Variants in TENM2 observed in about 807,000 individuals in gnomAD.
TENM2 encodes teneurin transmembrane protein 2.
A neutral mutation model predicts 245.2 loss-of-function variants in TENM2; 52 were observed. The observed-to-expected ratio is 0.21, with a 90% CI of 0.17 to 0.27. The LOEUF is 0.27. Among genes scored for constraint, TENM2 ranks in the 10% least tolerant of loss-of-function variants. The probability of loss-of-function intolerance (pLI) is 1.00; values close to 1 mark genes in which losing one functional copy is unlikely to be tolerated. For missense variants in TENM2, 3,046 were observed against 3,666.8 expected, an observed-to-expected ratio of 0.83 and a Z score of 4.37; for synonymous variants, 1,363 against 1,438.9, an observed-to-expected ratio of 0.95 and a Z score of 1.19.
At chr5:167,494,640 G>A (rs1478213671) in intron 2 of TENM2, among the ~76,000 whole-genome samples, 1 of 152,066 alleles carries the variant, frequency 6.6e-6, no homozygotes, top group African/African-American at 2.4e-5. Context: ...CATGTTTGAA[G>A]CCACCACATG....
intron 2 of TENM2, among the ~76,000 whole-genome samples, chr5:167,652,850 T>G (rs1241039785): frequency 6.6e-6 from 1 of 152,288 alleles, no homozygotes; most frequent in South Asian, 2.1e-4. Context: ...TTATTACAGG[T>G]TAAAAAGCTA....
chr5:167,681,426 C>T (rs887712816), intron 2 of TENM2, among the ~76,000 whole-genome samples: 1 of 152,026 alleles, frequency 6.6e-6, no homozygotes, highest in African/African-American at 2.4e-5. Context: ...TACTAATAGG[C>T]ATTTATGTTA....
At chr5:168,110,017 G>T (rs1458991880) in intron 9 of TENM2, among the ~76,000 whole-genome samples, 1 of 148,036 alleles carries the variant, frequency 6.8e-6, no homozygotes, top group African/African-American at 2.5e-5. Context: ...AAGTTAAATT[G>T]CTTCTGAGAT....
rs186256543 is a variant in TENM2, at chr5:167,648,482, G to A, written c.503-227504G>A. Among the ~76,000 whole-genome samples the A allele has an allele frequency of 2.3e-3, 346 of 152,268 alleles. 3 individuals carry two copies. The highest frequency in any genetic ancestry group is 7.8e-3 in the African/African-American group (326 of 41,550). ...TCTGTTCCAGTGATGGGGACAACAGGACTGAATATTAGAAACCTAGATCAT... is the reference window on the plus strand; with the variant it reads ...TCTGTTCCAGTGATGGGGACAACAGAACTGAATATTAGAAACCTAGATCAT... On this transcript the variant is annotated intron_variant, in intron 2 of 28. Coordinates refer to ENST00000518659, the Ensembl canonical transcript of TENM2.
chr5:167,220,235 C>G, the TENM2 span, among the ~76,000 whole-genome samples: 2 of 152,100 alleles, frequency 1.3e-5, no homozygotes, highest in African/African-American at 4.8e-5. Flanking sequence ...ACTCTTAAGT[C>G]TTGGTATGAG....
intron 2 of TENM2, among the ~76,000 whole-genome samples, chr5:167,738,146 T>C (rs1760929908): frequency 1.3e-5 from 2 of 152,246 alleles, no homozygotes; most frequent in Non-Finnish European, 2.9e-5. Context: ...TGGGTGGCAG[T>C]GGAGTCATAA....
chr5:167,074,570 C>T, the TENM2 span, among the ~76,000 whole-genome samples: 1 of 152,202 alleles, frequency 6.6e-6, no homozygotes, highest in South Asian at 2.1e-4. Context: ...AGTACCTAGT[C>T]CAGTATTTAG....
In TENM2 at chr5:167,944,708, A is replaced by T. The variant is rs1472553877; in HGVS notation, c.713-7880A>T. Among the ~76,000 whole-genome samples, 6 of 152,196 alleles carry T rather than the reference A, an allele frequency of 3.9e-5. No homozygotes were observed. In the East Asian group the frequency reaches 1.2e-3, roughly 29 times the overall value. ...GACTGGGCCGTGACTGCTGATGGGT[A>T]TGTTGTATCCTTTGAGGGTGATGAA... On this transcript the variant is annotated intron_variant, in intron 3 of 28. Coordinates refer to ENST00000518659, the Ensembl canonical transcript of TENM2.
At chr5:167,630,047 A>G (rs1487972269) in intron 2 of TENM2, among the ~76,000 whole-genome samples, 1 of 152,078 alleles carries the variant, frequency 6.6e-6, no homozygotes, top group Non-Finnish European at 1.5e-5. Context: ...ACCAAACCCT[A>G]TATGTACAAT....
At chr5:167,504,868 C>G (rs529428431) in intron 2 of TENM2, among the ~76,000 whole-genome samples, 3 of 152,302 alleles carry the variant, frequency 2.0e-5, no homozygotes, top group African/African-American at 7.2e-5. Flanking sequence ...CCTTTCTCTT[C>G]TCTTCTTTCT....
At chr5:167,104,511 A>G in the TENM2 span, among the ~76,000 whole-genome samples, 2 of 152,210 alleles carry the variant, frequency 1.3e-5, no homozygotes, top group Non-Finnish European at 2.9e-5. Context: ...AGATATACAA[A>G]TAGGTTAGAT....
chr5:167,030,729 A>C, the TENM2 span, among the ~76,000 whole-genome samples: 1 of 152,166 alleles, frequency 6.6e-6, no homozygotes, highest in South Asian at 2.1e-4. Flanking sequence ...GGGTCCTACC[A>C]GCAGGGGGTG....
chr5:166,999,190 T>C, the TENM2 span, among the ~76,000 whole-genome samples: 93 of 152,250 alleles, frequency 6.1e-4, no homozygotes, highest in African/African-American at 2.2e-3. Context: ...AGGTGATGAA[T>C]TCAGGTGAAA....
intron 1 of TENM2, among the ~76,000 whole-genome samples, chr5:167,290,588 T>C (rs918383939): frequency 6.6e-6 from 1 of 152,172 alleles, no homozygotes; most frequent in African/African-American, 2.4e-5. Context: ...TCAGAACTTT[T>C]TTCCAGCTTG....
intron 2 of TENM2, among the ~76,000 whole-genome samples, chr5:167,652,363 G>A (rs117896296): frequency 0.019 from 2,958 of 152,076 alleles, 44 homozygotes; most frequent in East Asian, 0.07. Flanking sequence ...ATAATTTTGG[G>A]CTTATTCCTT....
At chr5:168,127,026 T>A in intron 12 of TENM2, 60 bp downstream of exon 14, 1 of 1,399,634 alleles carries the variant, frequency 7.1e-7, no homozygotes, top group South Asian at 1.3e-5. Flanking sequence ...GCATGGCAAC[T>A]GGCTGTTCCT....
At chr5:167,863,458 T>TACACACACACAC (rs35475369) in intron 2 of TENM2, among the ~76,000 whole-genome samples, 2 of 143,232 alleles carry the variant, frequency 1.4e-5, no homozygotes, top group African/African-American at 5.1e-5. Context: ...CTACTAAAAA[T>TACACACACACAC]ACACACACAC....
intron 1 of TENM2, among the ~76,000 whole-genome samples, chr5:167,347,707 T>A (rs1758553991): frequency 6.6e-6 from 1 of 152,134 alleles, no homozygotes; most frequent in Admixed American, 6.6e-5. Flanking sequence ...CCTTCCTCCC[T>A]TCTTCCCTTC....
At chr5:167,872,334 GAAA>G (rs769218376) in intron 2 of TENM2, among the ~76,000 whole-genome samples, 28 of 62,066 alleles carry the variant, frequency 4.5e-4, no homozygotes, top group African/African-American at 1.3e-3. Flanking sequence ...AAGAAAGAAA[GAAA>G]GAAAGAAAGA....
Sources: gnomAD v4.1 joint callset for allele counts (sites outside exome capture counted in the v4.1 genomes callset) on GRCh38, gnomAD v4.1.1 for gene constraint, MANE v1.5 for transcripts, NCBI Gene and HGNC (gene_info 2026-07-23, HGNC 2026-07-21) for gene names.